Variants in RBM27 observed in about 807,000 individuals in gnomAD.
RBM27 encodes the protein RNA-binding protein 27.
RBM27 carries 22 observed loss-of-function variants against 135.3 expected under a neutral mutation model. The ratio of observed to expected loss-of-function variants is 0.16; its 90% CI spans 0.12 to 0.23. The LOEUF (loss-of-function observed/expected upper bound fraction) is 0.23, where lower values mean the gene tolerates loss of function less well. Ranked by LOEUF, RBM27 falls within the 10% of genes least tolerant of loss-of-function variation. RBM27 has a pLI of 1.00. For synonymous variants in RBM27, 481 were observed against 442.4 expected (o/e 1.09, Z -1.10); for missense variants, 1,009 against 1,281.0 (o/e 0.79, Z 3.24).
At chr5:146,243,511 A>G (rs565635537) in intron 8 of RBM27, among the ~76,000 whole-genome samples, 2 of 152,338 alleles carry the variant, frequency 1.3e-5, no homozygotes, top group East Asian at 1.9e-4. Flanking sequence ...GCCAGTAACT[A>G]TAATTCAGAG....
At chr5:146,270,433 A>G (rs887306713) in intron 17 of RBM27, among the ~76,000 whole-genome samples, 1 of 152,144 alleles carries the variant, frequency 6.6e-6, no homozygotes, top group South Asian at 2.1e-4. Context: ...TTTTTATTGA[A>G]ATCTTTTCTA....
intron 3 of RBM27, among the ~76,000 whole-genome samples, chr5:146,226,592 G>T (rs186926826): frequency 6.6e-5 from 10 of 152,058 alleles, no homozygotes; most frequent in Admixed American, 5.9e-4. Flanking sequence ...TGTTGGCCAG[G>T]CTGGTCTTGA....
At chr5:146,252,065 G>A (rs952608148) in intron 9 of RBM27, among the ~76,000 whole-genome samples, 190 bp downstream of exon 9, 2 of 152,122 alleles carry the variant, frequency 1.3e-5, no homozygotes, top group African/African-American at 4.8e-5. Flanking sequence ...GGCCTCCTGT[G>A]TATCTGTCAT....
intron 11 of RBM27, among the ~76,000 whole-genome samples, chr5:146,260,153 G>C (rs1351257227): frequency 1.3e-5 from 2 of 151,894 alleles, no homozygotes; most frequent in African/African-American, 4.8e-5. Context: ...ACAAAAATTA[G>C]TCGTGCGTGT....
At chr5:146,215,452 A>G (rs1756148198) in intron 1 of RBM27, among the ~76,000 whole-genome samples, 1 of 152,200 alleles carries the variant, frequency 6.6e-6, no homozygotes, top group Non-Finnish European at 1.5e-5. Context: ...CACTAAATCT[A>G]TCAGATCATT....
rs527473351 is a variant in RBM27, at chr5:146,242,729, G to A, written c.1279+5297G>A. ...CTGCCGGAGCTTCCCCAGTAGCTGGGATTACAGGCACATGCCACCAAGCCC... is the reference window on the plus strand; with the variant it reads ...CTGCCGGAGCTTCCCCAGTAGCTGGAATTACAGGCACATGCCACCAAGCCC... On this transcript the variant is annotated intron_variant, in intron 8 of 20. Coordinates refer to ENST00000265271, the MANE Select transcript of RBM27 (RefSeq NM_018989.2). Among the ~76,000 whole-genome samples, 60 of 152,186 alleles carry A rather than the reference G, an allele frequency of 3.9e-4. 1 individual carries two copies. Among genetic ancestry groups the A allele is most frequent in the African/African-American group, 1.4e-3 (58 of 41,536 alleles).
At chr5:146,262,683 G>A (rs1758449727) in intron 13 of RBM27, among the ~76,000 whole-genome samples, 1 of 152,190 alleles carries the variant, frequency 6.6e-6, no homozygotes, top group Admixed American at 6.5e-5. Context: ...CCCACTTCAT[G>A]TAAGGGTGCA....
chr5:146,240,240 C>T (rs1053884429), intron 8 of RBM27, among the ~76,000 whole-genome samples: 1 of 151,536 alleles, frequency 6.6e-6, no homozygotes, highest in African/African-American at 2.4e-5. Context: ...CTGTCTTCAC[C>T]TCTTTCTAGG....
intron 4 of RBM27, 91 bp from the exon 5 acceptor site, chr5:146,229,626 G>T: frequency 9.4e-7 from 1 of 1,062,416 alleles, no homozygotes; most frequent in Non-Finnish European, 1.4e-6. Flanking sequence ...ATATGCATTT[G>T]GATGACTCAA....
At chr5:146,210,722 C>A (rs1164542345) in intron 1 of RBM27, among the ~76,000 whole-genome samples, 4 of 150,526 alleles carry the variant, frequency 2.7e-5, no homozygotes, top group African/African-American at 9.8e-5. Context: ...CTGAGGCGGG[C>A]AGATCACGAG....
intron 1 of RBM27, among the ~76,000 whole-genome samples, chr5:146,205,191 C>A (rs1755576518): frequency 6.6e-6 from 1 of 152,238 alleles, no homozygotes. Context: ...CGCCACTGGA[C>A]CCGGCCATGT....
chr5:146,236,104 A>G, intron 7 of RBM27, among the ~76,000 whole-genome samples: 1 of 152,220 alleles, frequency 6.6e-6, no homozygotes, highest in Admixed American at 6.5e-5. Flanking sequence ...TAAAATAAAG[A>G]ACGTTATCTC....
chr5:146,271,826 A>G (rs1758879647), intron 19 of RBM27, 152 bp downstream of exon 19: 1 of 648,752 alleles, frequency 1.5e-6, no homozygotes. Flanking sequence ...AATATATTTA[A>G]AAGTCAAGAA....
chr5:146,261,294 C>T lies in RBM27; in HGVS notation c.1894-216C>T, dbSNP rs111914197. On this transcript the variant is annotated intron_variant, in intron 12 of 20. Transcript: ENST00000265271. The stretch of plus-strand genomic sequence containing the variant: ...GGGTCAGGGCAGATCTCTTTCTCTT[C>T]TTTTAAGGCCACCGATACTATTCAT... 6.9e-3 allele frequency: 4,111 copies of T among 596,558 alleles called. 144 individuals are homozygous for T. Among genetic ancestry groups the T allele is most frequent in the African/African-American group, 0.068 (3,647 of 53,854 alleles). The allele number at this position is 596,558 out of a possible 1,614,324, so 37.0% of individuals were successfully genotyped here.
chr5:146,257,350 G>T (rs1758148903), intron 10 of RBM27, among the ~76,000 whole-genome samples: 1 of 152,148 alleles, frequency 6.6e-6, no homozygotes, highest in African/African-American at 2.4e-5. Context: ...TTTATTGTAA[G>T]GACAGATTCT....
intron 9 of RBM27, among the ~76,000 whole-genome samples, chr5:146,253,241 C>T (rs1757970235): frequency 6.6e-6 from 1 of 152,052 alleles, no homozygotes; most frequent in Non-Finnish European, 1.5e-5. Context: ...CGTGATCTGC[C>T]CACCTTGGCC....
At chr5:146,244,647 T>C (rs1390552427) in intron 8 of RBM27, among the ~76,000 whole-genome samples, 1 of 150,018 alleles carries the variant, frequency 6.7e-6, no homozygotes, top group East Asian at 2.1e-4. Flanking sequence ...CTGGAAATCC[T>C]CCTACCTCAG....
Position 146,255,052 on chromosome 5 carries a change from G to T in RBM27, c.1554G>T (p.Leu518=). 1 of 1,612,696 alleles carries T rather than the reference G, an allele frequency of 6.2e-7. No homozygotes were observed. The highest frequency in any genetic ancestry group is 1.1e-5 in the South Asian group (1 of 90,994). Reference sequence around the variant, plus strand: ...GAACTCAGACACAGCGTCCCAATCTGATTGGCCTAACATCTGGAGATATGG... The same window carrying T: ...GAACTCAGACACAGCGTCCCAATCTTATTGGCCTAACATCTGGAGATATGG... ...FSRTQTQRPN[L]IGLTSGDMDV... is the part of the protein sequence containing the mutation. Residue 518 remains leucine (L), a synonymous_variant, in exon 10 of 21, where the codon CTG becomes CTT. Coordinates refer to ENST00000265271, the MANE Select transcript of RBM27 (RefSeq NM_018989.2).
At chr5:146,283,368 C>T (rs769278714) in intron 19 of RBM27, among the ~76,000 whole-genome samples, 4 of 151,888 alleles carry the variant, frequency 2.6e-5, no homozygotes, top group Non-Finnish European at 5.9e-5. Flanking sequence ...CGGGAGACCC[C>T]GTCTATAAAA....
Sources: gnomAD v4.1 joint callset for allele counts (sites outside exome capture counted in the v4.1 genomes callset) on GRCh38, gnomAD v4.1.1 for gene constraint, MANE v1.5 for transcripts, NCBI Gene and HGNC (gene_info 2026-07-23, HGNC 2026-07-21) for gene names.